The following ZNF547 variants were observed in gnomAD, a reference collection of about 807,000 sequenced individuals.
ZNF547 encodes zinc finger protein 547.
Under a neutral mutation model 7.7 loss-of-function variants are expected in ZNF547, and 4 were observed. The ratio of observed to expected loss-of-function variants is 0.52; its 90% CI spans 0.26 to 1.20. The LOEUF (loss-of-function observed/expected upper bound fraction) is 1.20. ZNF547 is among the 50% of genes most tolerant of loss of function. The probability of loss-of-function intolerance (pLI) is 0.14; values close to 1 mark genes in which losing one functional copy is unlikely to be tolerated. For synonymous variants in ZNF547, 166 were observed against 166.2 expected (o/e 1.00, Z 0.01); for missense variants, 449 against 485.8 (o/e 0.92, Z 0.71).
intron 1 of ZNF547, chr19:57,365,359 A>G: frequency 1.2e-6 from 1 of 811,326 alleles, no homozygotes; most frequent in African/African-American, 1.7e-5. Context: ...TCTTTTGTGT[A>G]TTCTCAGCTT....
chr19:57,373,320 A>G (rs534045113), intron 3 of ZNF547, among the ~76,000 whole-genome samples: 10 of 152,276 alleles, frequency 6.6e-5, no homozygotes, highest in African/African-American at 2.4e-4. Flanking sequence ...AACTGTTCCC[A>G]TGATTCAGTT....
intron 3 of ZNF547, among the ~76,000 whole-genome samples, chr19:57,374,267 A>G (rs2088523226): frequency 6.6e-6 from 1 of 152,232 alleles, no homozygotes; most frequent in South Asian, 2.1e-4. Flanking sequence ...CCTTTTAGCC[A>G]TGGCTGGAGT....
Position 57,371,764 on chromosome 19 carries a change from T to A in ZNF547, c.25-18T>A. 6.2e-7 allele frequency: 1 copy of A among 1,601,904 alleles called. No individual in the cohort carries two copies. Among genetic ancestry groups the A allele is most frequent in the African/African-American group, 1.3e-5 (1 of 74,204 alleles). On this transcript the variant is annotated intron_variant, in intron 2 of 3. Transcript: ENST00000282282. The stretch of plus-strand genomic sequence containing the variant: ...GTTTGAAAAGCTGCTCATGTATTCA[T>A]CTTTCCCAATTTGGCAGGGTCATGT...
At chr19:57,367,049 T>C (rs554499586) in intron 1 of ZNF547, among the ~76,000 whole-genome samples, 2 of 152,220 alleles carry the variant, frequency 1.3e-5, no homozygotes, top group Non-Finnish European at 2.9e-5. Context: ...TCTGTCACTT[T>C]ATATTCTTAT....
In ZNF547 at chr19:57,374,363, A is replaced by G. The variant is rs2088523803; in HGVS notation, c.151+2455A>G. 2.0e-5 allele frequency among the ~76,000 whole-genome samples: 3 copies of G among 152,220 alleles called. 1 individual carries two copies. Among genetic ancestry groups the G allele is most frequent in the South Asian group, 4.1e-4 (2 of 4,832 alleles). On this transcript the variant is annotated intron_variant, in intron 3 of 3. Transcript: ENST00000282282. ...GCCAGCAGCTGGGATGCAGGGCTCCATGTCCTGAGGCTGCACTGAACAGCC... is the reference window on the plus strand; with the variant it reads ...GCCAGCAGCTGGGATGCAGGGCTCCGTGTCCTGAGGCTGCACTGAACAGCC...
chr19:57,369,923 T>TTTTTTTTTTTTTA (rs56923117), intron 2 of ZNF547, among the ~76,000 whole-genome samples: 2 of 143,042 alleles, frequency 1.4e-5, no homozygotes, highest in Admixed American at 7.1e-5. Flanking sequence ...TTTTTTTTTT[T>TTTTTTTTTTTTTA]GAGATGTGGC....
At chr19:57,364,758 G>A in intron 1 of ZNF547, 2 of 1,253,976 alleles carry the variant, frequency 1.6e-6, no homozygotes, top group Middle Eastern at 2.6e-4. Flanking sequence ...GGTGCGGAGC[G>A]CGGGTCTCTT....
chr19:57,366,285 AT>A (rs1433987610), intron 1 of ZNF547, among the ~76,000 whole-genome samples: 1 of 148,884 alleles, frequency 6.7e-6, no homozygotes, highest in Non-Finnish European at 1.5e-5. Flanking sequence ...CAGTGGCACG[AT>A]CTTGGCTCAC....
intron 2 of ZNF547, 36 bp downstream of exon 2, chr19:57,368,615 TATCTC>T: frequency 6.2e-7 from 1 of 1,611,910 alleles, no homozygotes; most frequent in Non-Finnish European, 8.5e-7. Context: ...ACCTACCAGT[TATCTC>T]ATAGATGGTT....
intron 2 of ZNF547, among the ~76,000 whole-genome samples, chr19:57,371,375 C>T (rs1600077115): frequency 6.6e-6 from 1 of 152,216 alleles, no homozygotes; most frequent in East Asian, 1.9e-4. Flanking sequence ...CACAGGGCCA[C>T]ACGGTGAAAC....
chr19:57,371,959 T>G, intron 3 of ZNF547, 51 bp downstream of exon 3: 1 of 1,509,508 alleles, frequency 6.6e-7, no homozygotes, highest in Non-Finnish European at 8.9e-7. Flanking sequence ...TGTTGTCTCC[T>G]TTTACCTGAA....
Position 57,378,480 on chromosome 19 carries a change from A to G in ZNF547, c.*295A>G, listed in dbSNP as rs779549934. 1.1e-5 allele frequency: 6 copies of G among 549,422 alleles called. No homozygotes were observed. The highest frequency in any genetic ancestry group is 9.5e-5 in the South Asian group (6 of 63,192). 34.0% of individuals were successfully genotyped at this position (549,422 alleles called of 1,614,324 possible). On this transcript the variant is annotated 3_prime_UTR_variant, in exon 4 of 4. Coordinates refer to ENST00000282282, the MANE Select transcript of ZNF547 (RefSeq NM_173631.4). ...GTAAAGATTCAACATGCAAGATTGT[A>G]CTTATTGGGCTTCAGAATATCCACA...
chr19:57,365,089 C>T (rs763965174), intron 1 of ZNF547: 1 of 1,609,828 alleles, frequency 6.2e-7, no homozygotes, highest in Admixed American at 1.7e-5. Context: ...GTTTATTATG[C>T]TTCATGACAT....
At chr19:57,364,936 C>T (rs2088453456) in intron 1 of ZNF547, 1 of 1,612,944 alleles carries the variant, frequency 6.2e-7, no homozygotes, top group South Asian at 1.1e-5. Flanking sequence ...AGACGACCAT[C>T]GTCATCTGAA....
chr19:57,368,682 T>C (rs2088486264), intron 2 of ZNF547, 103 bp downstream of exon 2: 3 of 1,120,118 alleles, frequency 2.7e-6, no homozygotes, highest in South Asian at 2.6e-5. Context: ...CTTTCTGTCT[T>C]TCTCCCTCTC....
At position 57,377,162 on chromosome 19, in the gene ZNF547, T is replaced by A; in HGVS notation, c.186T>A (p.Pro62=). ...ATGGAGCTGAGGATGAGGAGGCACC[T>A]TTAGAGCCAGGTGTTTCTGTAGGAG... ...CCHGAEDEEA[P]LEPGVSVGVS... is the part of the protein sequence containing the mutation. The change falls in exon 4 of 4, where the codon CCT becomes CCA. Residue 62 remains proline (P), a synonymous_variant. Transcript: ENST00000282282. The A allele has an allele frequency of 6.2e-7, 1 of 1,614,178 alleles. No homozygotes were observed. Among genetic ancestry groups the A allele is most frequent in the Non-Finnish European group, 8.5e-7 (1 of 1,179,994 alleles).
rs147835979 is a variant in ZNF547 at position 57,377,063 on chromosome 19, T to A, written c.152-65T>A. ...TTTCATGGGGTGTCTGACTGACATT[T>A]GTGATGGGGTTGCCTCCGCTCATCA... is the stretch of plus-strand genomic sequence containing the variant. On this transcript the variant is annotated intron_variant, in intron 3 of 3. Coordinates refer to ENST00000282282, the MANE Select transcript of ZNF547 (RefSeq NM_173631.4). 228 of 1,479,182 alleles carry A rather than the reference T, an allele frequency of 1.5e-4. 2 individuals carry two copies. In the Middle Eastern group the frequency reaches 2.1e-3, roughly 14 times the overall value. The allele number at this position is 1,479,182 out of a possible 1,614,324, so 91.6% of individuals were successfully genotyped here. A position where few individuals can be genotyped will look rare whatever the true frequency, so the allele number is the denominator to read the frequency against.
chr19:57,377,520 A>G lies in ZNF547; in HGVS notation c.544A>G (p.Arg182Gly), dbSNP rs370434517. ...SDHQKIHTGE[R>G]TYKCSKCGIL... ...CCATCAGAAAATCCACACTGGAGAA[A>G]GAACTTATAAGTGCAGCAAATGTGG... Residue 182 changes from arginine (R) to glycine (G), a missense_variant, in exon 4 of 4, where the codon AGA (arginine) becomes GGA (glycine). Transcript: ENST00000282282. 40 of 1,614,094 alleles carry G rather than the reference A, an allele frequency of 2.5e-5. No individual in the cohort carries two copies. The highest frequency in any genetic ancestry group is 3.3e-5 in the Non-Finnish European group (39 of 1,180,034).
At chr19:57,367,550 A>T (rs1397818211) in intron 1 of ZNF547, among the ~76,000 whole-genome samples, 1 of 152,110 alleles carries the variant, frequency 6.6e-6, no homozygotes, top group East Asian at 1.9e-4. Context: ...GAGAGCTGAT[A>T]CTTGGGGTTC....
Sources: gnomAD v4.1 joint callset for allele counts (sites outside exome capture counted in the v4.1 genomes callset) on GRCh38, gnomAD v4.1.1 for gene constraint, MANE v1.5 for transcripts, NCBI Gene and HGNC (gene_info 2026-07-23, HGNC 2026-07-21) for gene names.